TBC1D14: variants seen among roughly 807,000 people sequenced by gnomAD.
TBC1D14 encodes TBC1 domain family, member 14.
Under a neutral mutation model 79.0 loss-of-function variants are expected in TBC1D14, and 26 were observed. The observed-to-expected ratio is 0.33, with a 90% confidence interval of 0.24 to 0.46. The LOEUF (loss-of-function observed/expected upper bound fraction) is 0.46, where lower values mean the gene tolerates loss of function less well. TBC1D14 is among the 20% of genes least tolerant of loss of function. The pLI is 1.00. For synonymous variants in TBC1D14, 394 were observed against 349.9 expected (o/e 1.13, Z -1.40); for missense variants, 769 against 887.6 (o/e 0.87, Z 1.70).
chr4:6,953,885 C>T (rs1356676028), intron 2 of TBC1D14, among the ~76,000 whole-genome samples: 1 of 152,180 alleles, frequency 6.6e-6, no homozygotes, highest in East Asian at 1.9e-4. Flanking sequence ...GTGCTTGGCG[C>T]TTTTCCAGGT....
intron 2 of TBC1D14, chr4:6,954,338 G>A (rs924942244): frequency 1.4e-6 from 1 of 717,422 alleles, no homozygotes. Flanking sequence ...TTCATGGACA[G>A]GTTTGTGGCT....
intron 13 of TBC1D14, among the ~76,000 whole-genome samples, chr4:7,028,915 G>T (rs562277652): frequency 6.6e-6 from 1 of 151,758 alleles, no homozygotes. Context: ...ACAGCTCACT[G>T]CAGCCTGAAC....
At chr4:6,987,134 T>G in intron 3 of TBC1D14, 1 of 1,103,900 alleles carries the variant, frequency 9.1e-7, no homozygotes, top group Non-Finnish European at 1.1e-6. Context: ...CTTGGGAGTC[T>G]CCAGCCAGGC....
intron 3 of TBC1D14, among the ~76,000 whole-genome samples, chr4:6,981,486 C>G (rs1455120196): frequency 6.6e-6 from 1 of 152,162 alleles, no homozygotes; most frequent in Non-Finnish European, 1.5e-5. Context: ...AAAGAAAACA[C>G]CAATTTGAGA....
chr4:7,022,219 G>A (rs569748809), intron 12 of TBC1D14, among the ~76,000 whole-genome samples: 29 of 152,282 alleles, frequency 1.9e-4, no homozygotes, highest in Non-Finnish European at 2.6e-4. Context: ...GGCTTAGGAC[G>A]GTGCAGAGCT....
chr4:7,026,040 C>T (rs979255447), intron 13 of TBC1D14, among the ~76,000 whole-genome samples: 2 of 152,146 alleles, frequency 1.3e-5, no homozygotes, highest in African/African-American at 4.8e-5. Context: ...TGGGGGATTT[C>T]TTTGTTTTGA....
At position 7,006,490 on chromosome 4, in the gene TBC1D14, A is replaced by G. The variant is rs536412610; in HGVS notation, c.1352-142A>G. On this transcript the variant is annotated intron_variant, in intron 8 of 13. Coordinates refer to ENST00000409757, the MANE Select transcript of TBC1D14 (RefSeq NM_020773.3). ...AATCTGTTAAATACTCTGAAGCTGC[A>G]CTCTGAGTCAAGATGTGATTAGGTC... The G allele has an allele frequency of 1.5e-5, 9 of 596,072 alleles. No homozygotes were observed. The South Asian group carries it at 1.7e-4, about 12-fold the overall frequency. The allele number at this position is 596,072 out of a possible 1,614,324, so 36.9% of individuals were successfully genotyped here.
At chr4:6,958,115 T>G (rs894976169) in intron 2 of TBC1D14, among the ~76,000 whole-genome samples, 4 of 152,184 alleles carry the variant, frequency 2.6e-5, no homozygotes, top group African/African-American at 9.7e-5. Context: ...CACTGCCTAC[T>G]GTGCTCTGTG....
intron 13 of TBC1D14, among the ~76,000 whole-genome samples, chr4:7,027,379 C>A (rs59762399): frequency 0.3 from 37,041 of 125,240 alleles, 5,564 homozygotes; most frequent in East Asian, 0.34. Flanking sequence ...CATCCATTCA[C>A]CCCCCATCTC....
At chr4:7,027,494 A>T (rs1277571780) in intron 13 of TBC1D14, among the ~76,000 whole-genome samples, 1 of 134,552 alleles carries the variant, frequency 7.4e-6, no homozygotes, top group Non-Finnish European at 1.6e-5. Flanking sequence ...ACCCACAGTC[A>T]CACCCCTACA....
chr4:7,005,927 C>A (rs1487493135), intron 8 of TBC1D14, among the ~76,000 whole-genome samples: 3 of 152,216 alleles, frequency 2.0e-5, no homozygotes, highest in Non-Finnish European at 4.4e-5. Flanking sequence ...CCATAACACA[C>A]AAGGATGATT....
Position 7,014,616 on chromosome 4 carries a change from C to G in TBC1D14, c.1757+59C>G. 6 of 1,213,544 alleles carry G rather than the reference C, an allele frequency of 4.9e-6. No individual in the cohort carries two copies. In the East Asian group the frequency reaches 1.2e-4, roughly 24 times the overall value. The allele number at this position is 1,213,544 out of a possible 1,614,324, so 75.2% of individuals were successfully genotyped here. A position where few individuals can be genotyped will look rare whatever the true frequency, so the allele number is the denominator to read the frequency against. Reference sequence around the variant, plus strand: ...TTTCTCAGCCCTTGTCTGTTCTTCACTCTCTTCTCTGCCAACTTCTTCATG... The same window carrying G: ...TTTCTCAGCCCTTGTCTGTTCTTCAGTCTCTTCTCTGCCAACTTCTTCATG... On this transcript the variant is annotated intron_variant, in intron 12 of 13. Coordinates refer to ENST00000409757, the MANE Select transcript of TBC1D14 (RefSeq NM_020773.3).
intron 3 of TBC1D14, among the ~76,000 whole-genome samples, chr4:6,968,088 G>A (rs770183288): frequency 1.4e-4 from 22 of 152,158 alleles, no homozygotes; most frequent in Non-Finnish European, 3.1e-4. Flanking sequence ...AGCCGGCTCG[G>A]CATCCTAAGA....
Position 6,999,208 on chromosome 4 carries a change from ATGTGGCTCTGGG to A in TBC1D14, c.1163+14_1163+25del, listed in dbSNP as rs765931543. On this transcript the variant is annotated splice_region_variant and intron_variant, in intron 6 of 13. Coordinates refer to ENST00000409757, the MANE Select transcript of TBC1D14 (RefSeq NM_020773.3). ...TTACCTAACTGGGAAACAATGTAAGATGTGGCTCTGGGTGTGGCTGAACTGCAGAGCATGTCT... is the reference window on the plus strand; with the variant it reads ...TTACCTAACTGGGAAACAATGTAAGATGTGGCTGAACTGCAGAGCATGTCT... The A allele has an allele frequency of 1.9e-6, 3 of 1,611,502 alleles. No homozygotes were observed. Among genetic ancestry groups the A allele is most frequent in the Non-Finnish European group, 2.5e-6 (3 of 1,177,732 alleles).
intron 8 of TBC1D14, among the ~76,000 whole-genome samples, chr4:7,005,181 C>T (rs1386250640): frequency 1.3e-5 from 2 of 151,996 alleles, no homozygotes; most frequent in East Asian, 3.9e-4. Context: ...AGATGGATCA[C>T]CTGAGGTCAG....
At chr4:7,009,256 C>T (rs1400176212) in intron 9 of TBC1D14, among the ~76,000 whole-genome samples, 2 of 152,214 alleles carry the variant, frequency 1.3e-5, no homozygotes, top group Non-Finnish European at 2.9e-5. Context: ...CATCTCTGCA[C>T]TTTCTTCTGT....
At chr4:7,028,879 C>T (rs1011328620) in intron 13 of TBC1D14, among the ~76,000 whole-genome samples, 34 of 151,842 alleles carry the variant, frequency 2.2e-4, no homozygotes, top group African/African-American at 7.5e-4. Context: ...CTCTCATTGC[C>T]GAGACTGGAG....
At chr4:6,946,071 A>G (rs1174880035) in intron 2 of TBC1D14, among the ~76,000 whole-genome samples, 7 of 152,148 alleles carry the variant, frequency 4.6e-5, no homozygotes, top group African/African-American at 7.2e-5. Flanking sequence ...TAGGCACTTT[A>G]TCGCACGATC....
intron 2 of TBC1D14, among the ~76,000 whole-genome samples, chr4:6,943,370 C>T (rs1713097951): frequency 6.6e-6 from 1 of 152,190 alleles, no homozygotes; most frequent in South Asian, 2.1e-4. Flanking sequence ...AATTAAATGC[C>T]TGAAACCGAT....
Sources: gnomAD v4.1 joint callset for allele counts (sites outside exome capture counted in the v4.1 genomes callset) on GRCh38, gnomAD v4.1.1 for gene constraint, MANE v1.5 for transcripts, NCBI Gene and HGNC (gene_info 2026-07-23, HGNC 2026-07-21) for gene names.